The following UNC13A variants were observed in gnomAD, a reference collection of about 807,000 sequenced individuals.
UNC13A encodes the protein unc-13 homolog A, also known as protein unc-13 homolog A.
In UNC13A, 61 loss-of-function variants were observed where a neutral mutation model predicts 219.7. That is an observed-to-expected ratio of 0.28 (90% CI 0.23 to 0.34). The LOEUF (loss-of-function observed/expected upper bound fraction) is 0.34. Ranked by LOEUF, UNC13A falls within the 10% of genes least tolerant of loss-of-function variation. The pLI is 1.00. For missense variants in UNC13A, 1,476 were observed against 2,270.3 expected, an observed-to-expected ratio of 0.65 and a Z score of 7.11; for synonymous variants, 920 against 884.6, an observed-to-expected ratio of 1.04 and a Z score of -0.71.
At chr19:17,610,940 G>C (rs11667483) in intron 42 of UNC13A, among the ~76,000 whole-genome samples, 8,660 of 152,262 alleles carry the variant, frequency 0.057, 328 homozygotes, top group South Asian at 0.11. Flanking sequence ...AGCTGAGGCA[G>C]GAGGATCGCT....
chr19:17,612,575 C>A (rs916486160), intron 41 of UNC13A, among the ~76,000 whole-genome samples: 2 of 152,136 alleles, frequency 1.3e-5, no homozygotes, highest in African/African-American at 4.8e-5. Context: ...CGGCAGGGCG[C>A]GGTGGCTCAC....
chr19:17,639,420 C>T lies in UNC13A; in HGVS notation c.2946+16G>A. 6.2e-7 allele frequency: 1 copy of T among 1,609,106 alleles called. No homozygotes were observed. The highest frequency in any genetic ancestry group is 1.1e-5 in the South Asian group (1 of 89,978). ...AACCCTCCTTGGAGAGCAAAGGCAA[C>T]TGGATCCTTTCCTACCTTCATCCGA... On this transcript the variant is annotated intron_variant, in intron 24 of 43. Transcript: ENST00000519716.
chr19:17,685,818 G>A (rs1213055077), intron 1 of UNC13A, among the ~76,000 whole-genome samples: 1 of 152,008 alleles, frequency 6.6e-6, no homozygotes, highest in Non-Finnish European at 1.5e-5. Context: ...GTGGGTCCCC[G>A]GTGGAGGGGA....
Position 17,675,933 on chromosome 19 carries a change from G to A in UNC13A, c.52+79C>T, listed in dbSNP as rs1011693701. The A allele has an allele frequency of 2.0e-6, 3 of 1,518,244 alleles. No homozygotes were observed. The African/African-American group carries it at 4.2e-5, about 21-fold the overall frequency. 94.0% of individuals were successfully genotyped at this position (1,518,244 alleles called of 1,614,324 possible). On this transcript the variant is annotated intron_variant, in intron 2 of 43. Transcript: ENST00000519716. ...TAAAGCCCAACTCTAAGTCTGGGCT[G>A]GGACCCCCTCCCAGTCTCTCCAAGA...
At chr19:17,686,072 G>T (rs545742616) in intron 1 of UNC13A, among the ~76,000 whole-genome samples, 133 of 151,440 alleles carry the variant, frequency 8.8e-4, no homozygotes, top group African/African-American at 3.1e-3. Context: ...ACACCTGAGG[G>T]CCTTACCTCC....
intron 38 of UNC13A, among the ~76,000 whole-genome samples, chr19:17,619,584 C>G (rs928754743): frequency 6.6e-6 from 1 of 151,974 alleles, no homozygotes; most frequent in Non-Finnish European, 1.5e-5. Flanking sequence ...TGTGAGCCAC[C>G]ATATCCAGCT....
At chr19:17,653,494 C>G (rs1382418579) in intron 11 of UNC13A, among the ~76,000 whole-genome samples, 1 of 151,734 alleles carries the variant, frequency 6.6e-6, no homozygotes, top group African/African-American at 2.4e-5. Context: ...ATTACAGGTG[C>G]CCACCACCAC....
intron 11 of UNC13A, 85 bp from the exon 12 acceptor site, chr19:17,652,762 C>G: frequency 5.2e-6 from 8 of 1,526,456 alleles, no homozygotes; most frequent in Non-Finnish European, 7.2e-6. Flanking sequence ...TGACTCCCCT[C>G]TGGGCTGGGA....
rs748861992 is a variant in UNC13A at position 17,666,671 on chromosome 19, G to A, written c.502C>T (p.Pro168Ser). ...SFQDEQDKPLPVPSNQCCNWN... is the reference protein window; with the variant it reads ...SFQDEQDKPLSVPSNQCCNWN... ...TTACAGCACTGGTTGCTGGGGACAG[G>A]CAGAGGCTTGTCTTGCTCATCTTGG... Residue 168 changes from proline to serine, a missense_variant, in exon 7 of 44, where the codon CCT becomes TCT. Pro to Ser is a moderately conservative substitution (Grantham distance 74). Around this residue, in one of 14 missense-constraint regions of UNC13A, gnomAD observed 203 missense variants for 301.6 expected, o/e 0.67. Transcript: ENST00000519716. 2 of 1,530,428 alleles carry A rather than the reference G, an allele frequency of 1.3e-6. No homozygotes were observed. Among genetic ancestry groups the A allele is most frequent in the African/African-American group, 1.4e-5 (1 of 70,738 alleles). The allele number at this position is 1,530,428 out of a possible 1,614,324, so 94.8% of individuals were successfully genotyped here.
chr19:17,630,913 T>C lies in UNC13A; in HGVS notation c.3429-163A>G, dbSNP rs191414809. On this transcript the variant is annotated intron_variant, in intron 28 of 43. Transcript: ENST00000519716. ...CTGCTCCTCTGCTCGCCTCCTGCACTGAACCTCAGTTACTTTGCTCATGAA... is the reference window on the plus strand; with the variant it reads ...CTGCTCCTCTGCTCGCCTCCTGCACCGAACCTCAGTTACTTTGCTCATGAA... 4.6e-3 allele frequency among the ~76,000 whole-genome samples: 693 copies of C among 152,198 alleles called. 5 individuals are homozygous for C. The highest frequency in any genetic ancestry group is 0.016 in the African/African-American group (671 of 41,556).
rs750802591 is a variant in UNC13A at position 17,617,685 on chromosome 19, G to A, written c.4558+17C>T. On this transcript the variant is annotated intron_variant, in intron 41 of 43. Coordinates refer to ENST00000519716, the MANE Select transcript of UNC13A (RefSeq NM_001080421.3). ...TCCGCGGAGCGGGAAAGGGTGATGC[G>A]GTCTGGGTACCCTTACCCTGGGCCG... 2 of 1,610,450 alleles carry A rather than the reference G, an allele frequency of 1.2e-6. No homozygotes were observed. The highest frequency in any genetic ancestry group is 2.2e-5 in the East Asian group (1 of 44,794).
At chr19:17,646,777 T>C (rs142450727) in intron 17 of UNC13A, among the ~76,000 whole-genome samples, 165 of 152,328 alleles carry the variant, frequency 1.1e-3, no homozygotes, top group African/African-American at 3.8e-3. Flanking sequence ...CAGGTCTGTT[T>C]ATGGGGAAAC....
chr19:17,626,953 G>A (rs577426258), intron 33 of UNC13A, among the ~76,000 whole-genome samples, 168 bp from the exon 34 acceptor site: 1 of 152,278 alleles, frequency 6.6e-6, no homozygotes, highest in South Asian at 2.1e-4. Flanking sequence ...AAGCACTTTG[G>A]GAGGCCAAGG....
intron 5 of UNC13A, among the ~76,000 whole-genome samples, chr19:17,668,577 C>T (rs1434415835): frequency 6.6e-6 from 1 of 152,102 alleles, no homozygotes; most frequent in African/African-American, 2.4e-5. Context: ...ACCTCCACCT[C>T]CTGGGTTCAA....
At chr19:17,632,597 C>CTA (rs1568514359) in intron 28 of UNC13A, among the ~76,000 whole-genome samples, 185 bp downstream of exon 28, 1 of 151,950 alleles carries the variant, frequency 6.6e-6, no homozygotes. Context: ...TTGCTGTTGA[C>CTA]TGAATTTTCT....
At position 17,649,628 on chromosome 19, in the gene UNC13A, A is replaced by G. The variant is rs2079307935; in HGVS notation, c.1440-41T>C. 6.2e-7 allele frequency: 1 copy of G among 1,603,860 alleles called. No individual in the cohort carries two copies. ...GGACACTGAGGGCCCAGATGTCCCTATTCCTCACATAGAGCCCTGGGGAGA... is the reference window on the plus strand; with the variant it reads ...GGACACTGAGGGCCCAGATGTCCCTGTTCCTCACATAGAGCCCTGGGGAGA... On this transcript the variant is annotated intron_variant, in intron 12 of 43. Coordinates refer to ENST00000519716, the MANE Select transcript of UNC13A (RefSeq NM_001080421.3). This position sits in a 1 kb window ranked among gnomAD's most constrained non-coding sequence, Gnocchi z 4.4.
intron 1 of UNC13A, among the ~76,000 whole-genome samples, chr19:17,679,412 A>G (rs1195773585): frequency 6.6e-6 from 1 of 151,012 alleles, no homozygotes; most frequent in South Asian, 2.1e-4. Flanking sequence ...AAAATATATA[A>G]TAATAATAAT....
Position 17,649,142 on chromosome 19 carries a change from G to T in UNC13A, c.1525-159C>A, listed in dbSNP as rs1307828472. Among the ~76,000 whole-genome samples the T allele has an allele frequency of 6.6e-6, 1 of 152,164 alleles. No homozygotes were observed. On this transcript the variant is annotated intron_variant, in intron 14 of 43. Coordinates refer to ENST00000519716, the MANE Select transcript of UNC13A (RefSeq NM_001080421.3). The surrounding 1 kb of genome is among the most constrained non-coding windows in gnomAD (Gnocchi z 4.4). ...CAGCATCCGGGCCAGACCCAACAAA[G>T]AATTAGGAGGTGACAGAGGCTTTGA...
chr19:17,684,561 C>T (rs1363301605), intron 1 of UNC13A, among the ~76,000 whole-genome samples: 3 of 152,152 alleles, frequency 2.0e-5, no homozygotes, highest in Admixed American at 1.3e-4. Flanking sequence ...CAGTGGATTA[C>T]GATGTTGGGA....
Sources: allele counts gnomAD v4.1 joint callset (sites outside exome capture counted in the v4.1 genomes callset), GRCh38; gene constraint gnomAD v4.1.1; regional missense constraint gnomAD v4.1.1; non-coding constraint Gnocchi (gnomAD v3.1); transcripts MANE v1.5; gene names NCBI Gene and HGNC (gene_info 2026-07-23, HGNC 2026-07-21).